DARS1: variants seen among roughly 807,000 people sequenced by gnomAD.
The protein encoded by DARS1 is aspartate--tRNA ligase, cytoplasmic.
A neutral mutation model predicts 68.8 loss-of-function variants in DARS1; 51 were observed. That is an observed-to-expected ratio of 0.74 (90% confidence interval 0.59 to 0.94). The LOEUF (loss-of-function observed/expected upper bound fraction) is 0.94. DARS1 is among the 40% of genes least tolerant of loss of function. The pLI, the probability that DARS1 is intolerant of heterozygous loss-of-function variation, is 0.00. For missense variants in DARS1, 607 were observed against 597.3 expected, an observed-to-expected ratio of 1.02 and a Z score of -0.17; for synonymous variants, 203 against 190.4, an observed-to-expected ratio of 1.07 and a Z score of -0.55.
At position 135,961,389 on chromosome 2, in the gene DARS1, TA is replaced by T. The variant is rs773813999; in HGVS notation, c.320+6del. On this transcript the variant is annotated splice_donor_region_variant and intron_variant, in intron 4 of 15. Transcript: ENST00000264161. ...ATTCTGACAACAGGATATAATTGCT[TA>T]CTTACTTGGCAGCAAATTTAACCAT... 1.7e-6 allele frequency: 2 copies of T among 1,208,864 alleles called. No homozygotes were observed. Among genetic ancestry groups the T allele is most frequent in the African/African-American group, 3.0e-5 (2 of 67,568 alleles). The allele number at this position is 1,208,864 out of a possible 1,614,324, so 74.9% of individuals were successfully genotyped here. A position where few individuals can be genotyped will look rare whatever the true frequency, so the allele number is the denominator to read the frequency against.
chr2:135,941,459 T>G (rs1335910208), intron 5 of DARS1, among the ~76,000 whole-genome samples: 2 of 152,020 alleles, frequency 1.3e-5, no homozygotes, highest in Non-Finnish European at 2.9e-5. Context: ...TAGCCATATG[T>G]AGAAAGCTGA....
chr2:135,907,266 C>T lies in DARS1; in HGVS notation c.*50G>A. The stretch of plus-strand genomic sequence containing the variant: ...TCTTTTTTTTTTTTTTTTTTTGAGG[C>T]AGGGTCTCGCTCTGTCATCCACACT... On this transcript the variant is annotated 3_prime_UTR_variant, in exon 16 of 16. Coordinates refer to ENST00000264161, the MANE Select transcript of DARS1 (RefSeq NM_001349.4). 3 of 572,682 alleles carry T rather than the reference C, an allele frequency of 5.2e-6. No individual in the cohort carries two copies. Among genetic ancestry groups the T allele is most frequent in the East Asian group, 4.7e-5 (1 of 21,494 alleles). The allele number at this position is 572,682 out of a possible 1,614,324, so 35.5% of individuals were successfully genotyped here.
chr2:135,961,261 G>T, intron 4 of DARS1, 135 bp downstream of exon 4: 1 of 625,148 alleles, frequency 1.6e-6, no homozygotes. Context: ...CAGCAACACT[G>T]AACTGACAAT....
chr2:135,934,394 G>A (rs1168047522), intron 5 of DARS1, among the ~76,000 whole-genome samples: 1 of 152,018 alleles, frequency 6.6e-6, no homozygotes, highest in Non-Finnish European at 1.5e-5. Context: ...GGCTGTGGTG[G>A]GTTAATCACT....
At chr2:135,962,341 A>C (rs1476512609) in intron 3 of DARS1, among the ~76,000 whole-genome samples, 1 of 152,174 alleles carries the variant, frequency 6.6e-6, no homozygotes, top group Admixed American at 6.5e-5. Context: ...GTCTCTGATC[A>C]AATTCTGGGA....
intron 7 of DARS1, among the ~76,000 whole-genome samples, chr2:135,925,445 C>T (rs1681193971): frequency 6.6e-6 from 1 of 152,172 alleles, no homozygotes; most frequent in Non-Finnish European, 1.5e-5. Flanking sequence ...TCAAAGGGCT[C>T]ACCCCTTCTG....
intron 5 of DARS1, among the ~76,000 whole-genome samples, chr2:135,940,574 G>A (rs1250611956): frequency 6.6e-6 from 1 of 152,132 alleles, no homozygotes; most frequent in African/African-American, 2.4e-5. Flanking sequence ...TCAAAAACTG[G>A]AAGTATTCCC....
intron 7 of DARS1, among the ~76,000 whole-genome samples, chr2:135,931,204 G>A (rs1252931188): frequency 1.3e-5 from 2 of 152,150 alleles, no homozygotes; most frequent in Non-Finnish European, 1.5e-5. Context: ...GAGAGTCTAT[G>A]AAAGAGCTAG....
chr2:135,916,123 G>A, intron 11 of DARS1, 103 bp downstream of exon 11: 1 of 583,514 alleles, frequency 1.7e-6, no homozygotes, highest in Non-Finnish European at 3.1e-6. Context: ...GGGTCAATAG[G>A]TGCAGCAAAC....
At chr2:135,943,671 G>A (rs549356624) in intron 4 of DARS1, among the ~76,000 whole-genome samples, 191 bp from the exon 5 acceptor site, 54 of 152,298 alleles carry the variant, frequency 3.5e-4, no homozygotes, top group African/African-American at 1.3e-3. Flanking sequence ...TCCTTGAAGA[G>A]ATGATTTTTT....
In DARS1 at chr2:135,920,387, A is replaced by AT. The variant is rs550446877; in HGVS notation, c.959+65dup. ...TAAGTTTGTATGTTTAAATTGAAGA[A>AT]TTTTTTTTTTAAAGGGCCCAAACAT... On this transcript the variant is annotated intron_variant, in intron 10 of 15. Transcript: ENST00000264161. 6.3e-3 allele frequency: 8,866 copies of AT among 1,407,000 alleles called. 173 individuals carry two copies. The African/African-American group carries it at 0.084, about 13-fold the overall frequency. 87.2% of individuals were successfully genotyped at this position (1,407,000 alleles called of 1,614,324 possible). A position where few individuals can be genotyped will look rare whatever the true frequency, so the allele number is the denominator to read the frequency against.
intron 7 of DARS1, among the ~76,000 whole-genome samples, chr2:135,929,035 A>G (rs942648076): frequency 4.6e-5 from 7 of 152,222 alleles, no homozygotes; most frequent in African/African-American, 1.7e-4. Flanking sequence ...TAACTGTGTC[A>G]AGACATTCCA....
intron 10 of DARS1, among the ~76,000 whole-genome samples, chr2:135,919,638 T>C (rs1039483336): frequency 5.9e-5 from 9 of 152,194 alleles, no homozygotes; most frequent in African/African-American, 9.7e-5. Context: ...ATGTTAAACA[T>C]CATCATAAAT....
At chr2:135,928,034 G>C (rs1681262597) in intron 7 of DARS1, among the ~76,000 whole-genome samples, 1 of 152,140 alleles carries the variant, frequency 6.6e-6, no homozygotes, top group South Asian at 2.1e-4. Flanking sequence ...TTGAGAGAAA[G>C]AATTTCGATA....
intron 1 of DARS1, among the ~76,000 whole-genome samples, chr2:135,983,687 T>C (rs1421353232): frequency 6.6e-6 from 1 of 152,214 alleles, no homozygotes; most frequent in Admixed American, 6.5e-5. Flanking sequence ...TCACCACTCC[T>C]AGATGGATTT....
Position 135,906,322 on chromosome 2 carries a change from ATCTAG to A in DARS1, c.*989_*993del, listed in dbSNP as rs1558773229. The stretch of plus-strand genomic sequence containing the variant: ...AACATTAGCATCAACATTTGTAATA[ATCTAG>A]AGGGAAAGTGTTTCTAACTAATTCT... On this transcript the variant is annotated 3_prime_UTR_variant, in exon 16 of 16. Transcript: ENST00000264161. Among the ~76,000 whole-genome samples the A allele has an allele frequency of 2.0e-5, 3 of 152,016 alleles. No individual in the cohort carries two copies. Among genetic ancestry groups the A allele is most frequent in the Non-Finnish European group, 4.4e-5 (3 of 67,956 alleles).
chr2:135,907,238 C>CTTTGTTTTTTT lies in DARS1; in HGVS notation c.*77_*78insAAAAAAACAAA. The CTTTGTTTTTTT allele has an allele frequency of 2.8e-6, 2 of 724,938 alleles. No individual in the cohort carries two copies. The highest frequency in any genetic ancestry group is 2.6e-5 in the African/African-American group (1 of 39,188). 44.9% of individuals were successfully genotyped at this position (724,938 alleles called of 1,614,324 possible). A position where few individuals can be genotyped will look rare whatever the true frequency, so the allele number is the denominator to read the frequency against. Reference sequence around the variant, plus strand: ...AGGTTACTGAAAAGAATAAGTGTGGCTTTCTTTTTTTTTTTTTTTTTTTGA... The same window carrying CTTTGTTTTTTT: ...AGGTTACTGAAAAGAATAAGTGTGGCTTTGTTTTTTTTTTCTTTTTTTTTTTTTTTTTTTGA... On this transcript the variant is annotated 3_prime_UTR_variant, in exon 16 of 16. Transcript: ENST00000264161.
intron 12 of DARS1, among the ~76,000 whole-genome samples, chr2:135,913,685 G>T (rs1680943626): frequency 6.6e-6 from 1 of 152,060 alleles, no homozygotes; most frequent in African/African-American, 2.4e-5. Context: ...TTGAACCCAG[G>T]GGGTGGAGGT....
At chr2:135,951,281 G>C (rs894689233) in intron 4 of DARS1, among the ~76,000 whole-genome samples, 2 of 152,206 alleles carry the variant, frequency 1.3e-5, no homozygotes, top group Non-Finnish European at 2.9e-5. Flanking sequence ...ATTTGGCCAA[G>C]TGCCATATGG....
Sources: allele counts gnomAD v4.1 joint callset (sites outside exome capture counted in the v4.1 genomes callset), GRCh38; gene constraint gnomAD v4.1.1; transcripts MANE v1.5; gene names NCBI Gene and HGNC (gene_info 2026-07-23, HGNC 2026-07-21).